The following NUFIP2 variants were observed in gnomAD, a reference collection of about 807,000 sequenced individuals.
The protein encoded by NUFIP2 is nuclear FMR1 interacting protein 2.
Under a neutral mutation model 56.9 loss-of-function variants are expected in NUFIP2, and 6 were observed. That is an observed-to-expected ratio of 0.11 (90% confidence interval 0.06 to 0.21). NUFIP2 has a LOEUF of 0.21. NUFIP2 is among the 10% of genes least tolerant of loss of function. The probability of loss-of-function intolerance (pLI) is 1.00; values close to 1 mark genes in which losing one functional copy is unlikely to be tolerated. For missense variants in NUFIP2, 828 were observed against 826.8 expected, an observed-to-expected ratio of 1.00 and a Z score of -0.02; for synonymous variants, 321 against 298.2, an observed-to-expected ratio of 1.08 and a Z score of -0.79.
At chr17:29,276,702 C>A (rs1023194217) in intron 2 of NUFIP2, among the ~76,000 whole-genome samples, 1 of 152,140 alleles carries the variant, frequency 6.6e-6, no homozygotes, top group Non-Finnish European at 1.5e-5. Flanking sequence ...ATGACACAAA[C>A]TCTCACCTCT....
At chr17:29,277,310 C>A (rs921615469) in intron 2 of NUFIP2, among the ~76,000 whole-genome samples, 2 of 152,152 alleles carry the variant, frequency 1.3e-5, no homozygotes, top group African/African-American at 4.8e-5. Flanking sequence ...GCATGTGCCA[C>A]CACGTCTGAA....
intron 2 of NUFIP2, among the ~76,000 whole-genome samples, chr17:29,276,844 C>T (rs2069111230): frequency 6.6e-6 from 1 of 152,154 alleles, no homozygotes; most frequent in Admixed American, 6.6e-5. Context: ...ACCCATTTGG[C>T]ATTGCTCACA....
chr17:29,270,447 A>G (rs2069065189), intron 2 of NUFIP2, among the ~76,000 whole-genome samples: 1 of 152,018 alleles, frequency 6.6e-6, no homozygotes, highest in Non-Finnish European at 1.5e-5. Context: ...GTTCTTTATT[A>G]TCTTACGAAT....
chr17:29,293,750 AC>A (rs1357929975), intron 1 of NUFIP2, 32 bp downstream of exon 1: 2 of 1,310,730 alleles, frequency 1.5e-6, no homozygotes, highest in African/African-American at 1.5e-5. Context: ...TCCACCCCCA[AC>A]CCCCTTCCCC....
intron 1 of NUFIP2, among the ~76,000 whole-genome samples, chr17:29,289,218 C>T (rs536201858): frequency 6.6e-6 from 1 of 152,278 alleles, no homozygotes; most frequent in African/African-American, 2.4e-5. Flanking sequence ...AAATAGTTTT[C>T]CACTGTAACA....
chr17:29,292,495 C>G (rs866047910), intron 1 of NUFIP2, among the ~76,000 whole-genome samples: 3 of 151,274 alleles, frequency 2.0e-5, no homozygotes, highest in Middle Eastern at 3.4e-3. Flanking sequence ...GCGAACCTGG[C>G]AGGAGACGAG....
At chr17:29,278,566 G>A (rs976146986) in intron 2 of NUFIP2, among the ~76,000 whole-genome samples, 1 of 149,482 alleles carries the variant, frequency 6.7e-6, no homozygotes, top group African/African-American at 2.5e-5. Context: ...CTTTATAAGG[G>A]TAAAAGTTGC....
At position 29,286,556 on chromosome 17, in the gene NUFIP2, T is replaced by C. The variant is rs142432180; in HGVS notation, c.1438A>G (p.Thr480Ala). The C allele has an allele frequency of 1.2e-6, 2 of 1,614,116 alleles. No individual in the cohort carries two copies. The highest frequency in any genetic ancestry group is 2.7e-5 in the African/African-American group (2 of 75,038). ...ACTTGTGCTGTGCTCAACAGCATAG[T>C]TTGCATATTTGAAGGATAGATAAAA... is the stretch of plus-strand genomic sequence containing the variant. Reference protein sequence around the residue: ...SLFIYPSNMQTMLLSTAQVDL... With the variant: ...SLFIYPSNMQAMLLSTAQVDL... Residue 480 changes from threonine (T) to alanine (A), a missense_variant, in exon 2 of 4, where the codon ACT (threonine) becomes GCT (alanine). Thr to Ala is a moderately conservative substitution (Grantham distance 58). Transcript: ENST00000225388.
In NUFIP2 at chr17:29,286,694, G is replaced by C; in HGVS notation, c.1300C>G (p.Pro434Ala). Residue 434 changes from proline (P) to alanine (A), a missense_variant, in exon 2 of 4, where the codon CCA becomes GCA. This residue lies in a region of NUFIP2 where 404 missense variants were observed against 380.3 expected (regional missense o/e 1.06). Transcript: ENST00000225388. ...DGNVYPPGGQ[P>A]LLTTAANTLT... ...GTATTAGCAGCAGTAGTTAGCAGTG[G>C]CTGACCCCCTGGAGGATAAACATTT... 6.2e-7 allele frequency: 1 copy of C among 1,614,144 alleles called. No homozygotes were observed. Among genetic ancestry groups the C allele is most frequent in the Non-Finnish European group, 8.5e-7 (1 of 1,180,020 alleles).
At chr17:29,292,694 G>A (rs2069223416) in intron 1 of NUFIP2, among the ~76,000 whole-genome samples, 2 of 146,902 alleles carry the variant, frequency 1.4e-5, no homozygotes, top group Non-Finnish European at 3.0e-5. Context: ...CCGGCTCCCC[G>A]CCCCGACTGC....
At chr17:29,273,519 C>G (rs1191633207) in intron 2 of NUFIP2, among the ~76,000 whole-genome samples, 4 of 148,444 alleles carry the variant, frequency 2.7e-5, no homozygotes, top group Admixed American at 6.7e-5. Flanking sequence ...CACACACACA[C>G]ACACACAGAC....
intron 2 of NUFIP2, among the ~76,000 whole-genome samples, chr17:29,276,914 G>A (rs2069111591): frequency 6.6e-6 from 1 of 152,158 alleles, no homozygotes; most frequent in South Asian, 2.1e-4. Context: ...AACAGATACA[G>A]CATTTAATTA....
chr17:29,273,143 G>A (rs781331218), intron 2 of NUFIP2, among the ~76,000 whole-genome samples: 1 of 151,602 alleles, frequency 6.6e-6, no homozygotes, highest in Non-Finnish European at 1.5e-5. Context: ...GGGTTCAAGC[G>A]ATTCTTCTGC....
At chr17:29,265,657 C>T (rs2069031413) in intron 3 of NUFIP2, among the ~76,000 whole-genome samples, 1 of 141,772 alleles carries the variant, frequency 7.1e-6, no homozygotes, top group African/African-American at 2.6e-5. Context: ...TATATATATA[C>T]ACACACATAT....
chr17:29,272,005 A>G (rs966716519), intron 2 of NUFIP2, among the ~76,000 whole-genome samples: 2 of 136,648 alleles, frequency 1.5e-5, no homozygotes, highest in African/African-American at 2.7e-5. Context: ...CCCGGGAGGC[A>G]GAGATTGCAG....
chr17:29,268,917 T>C (rs568574828), intron 2 of NUFIP2, among the ~76,000 whole-genome samples: 4 of 152,160 alleles, frequency 2.6e-5, no homozygotes, highest in Admixed American at 6.5e-5. Context: ...TCTAATTTCA[T>C]CCAAAATGTC....
At chr17:29,285,305 CAAAT>C (rs1283528937) in intron 2 of NUFIP2, among the ~76,000 whole-genome samples, 2 of 147,458 alleles carry the variant, frequency 1.4e-5, no homozygotes, top group African/African-American at 5.0e-5. Flanking sequence ...GTCTCAAAAA[CAAAT>C]AAGCAAATGG....
chr17:29,266,433 A>G (rs2069037163), intron 3 of NUFIP2, among the ~76,000 whole-genome samples: 1 of 152,024 alleles, frequency 6.6e-6, no homozygotes, highest in Admixed American at 6.6e-5. Context: ...CCTAATATGT[A>G]AAATAAGAGA....
At chr17:29,292,762 G>A (rs1195728460) in intron 1 of NUFIP2, among the ~76,000 whole-genome samples, 3 of 149,738 alleles carry the variant, frequency 2.0e-5, no homozygotes, top group Non-Finnish European at 4.5e-5. Context: ...GCGGGGCCCT[G>A]CGCAGGCCGC....
Sources: gnomAD v4.1 joint callset for allele counts (sites outside exome capture counted in the v4.1 genomes callset) on GRCh38, gnomAD v4.1.1 for gene constraint, gnomAD v4.1.1 regional missense constraint, MANE v1.5 for transcripts, NCBI Gene and HGNC (gene_info 2026-07-23, HGNC 2026-07-21) for gene names.